The following FOXP2 variants were observed in gnomAD, a reference collection of about 807,000 sequenced individuals.
The protein encoded by FOXP2 is forkhead box P2.
In FOXP2, 12 loss-of-function variants were observed where a neutral mutation model predicts 115.8. The ratio of observed to expected loss-of-function variants is 0.10; its 90% CI spans 0.07 to 0.17. FOXP2 has a LOEUF of 0.17. Ranked by LOEUF, FOXP2 falls within the 10% of genes least tolerant of loss-of-function variation. The probability of loss-of-function intolerance (pLI) is 1.00; values close to 1 mark genes in which losing one functional copy is unlikely to be tolerated. For synonymous variants in FOXP2, 328 were observed against 297.7 expected, an observed-to-expected ratio of 1.10 and a Z score of -1.05; for missense variants, 629 against 843.5, an observed-to-expected ratio of 0.75 and a Z score of 3.15.
chr7:114,260,143 G>A (rs1043083358), intron 1 of FOXP2, among the ~76,000 whole-genome samples: 34 of 151,572 alleles, frequency 2.2e-4, no homozygotes, highest in African/African-American at 6.1e-4. Context: ...CACCTGTGTC[G>A]GCCTCCCAAA....
chr7:114,293,153 G>A (rs552252054), intron 2 of FOXP2, among the ~76,000 whole-genome samples: 1 of 152,192 alleles, frequency 6.6e-6, no homozygotes, highest in East Asian at 1.9e-4. Context: ...ATTTACCAGG[G>A]TTGGCCTATG....
At chr7:114,554,168 G>C (rs1473236339) in intron 3 of FOXP2, among the ~76,000 whole-genome samples, 1 of 151,924 alleles carries the variant, frequency 6.6e-6, no homozygotes, top group Non-Finnish European at 1.5e-5. Flanking sequence ...TTTAGGGTCA[G>C]GAAACATTTA....
chr7:114,429,578 A>G (rs1780312607), intron 2 of FOXP2, among the ~76,000 whole-genome samples: 2 of 151,510 alleles, frequency 1.3e-5, no homozygotes, highest in African/African-American at 4.8e-5. Flanking sequence ...TGCAGAATTA[A>G]TTGTTTGTGT....
intron 4 of FOXP2, 129 bp from the exon 5 acceptor site, chr7:114,629,676 A>AT: frequency 1.2e-6 from 2 of 1,601,846 alleles, no homozygotes; most frequent in Non-Finnish European, 8.5e-7. Context: ...TCCAATGTAT[A>AT]TTTTTTGTTG....
chr7:114,387,930 G>A (rs1280415653), intron 2 of FOXP2, among the ~76,000 whole-genome samples: 1 of 152,106 alleles, frequency 6.6e-6, no homozygotes. Flanking sequence ...ATTGCAATAG[G>A]ATTGCTTCCT....
intron 1 of FOXP2, among the ~76,000 whole-genome samples, chr7:114,223,618 T>A (rs948217389): frequency 1.3e-5 from 2 of 149,126 alleles, no homozygotes; most frequent in Non-Finnish European, 3.0e-5. Flanking sequence ...CGGTTTATGG[T>A]GTATTTTTTC....
chr7:114,240,280 T>C (rs893288646), intron 1 of FOXP2, among the ~76,000 whole-genome samples: 1 of 152,170 alleles, frequency 6.6e-6, no homozygotes, highest in Admixed American at 6.5e-5. Context: ...TTGTTAAAAA[T>C]AACTTTCTCT....
chr7:114,623,142 A>G (rs1180742135), intron 3 of FOXP2, among the ~76,000 whole-genome samples: 1 of 151,922 alleles, frequency 6.6e-6, no homozygotes, highest in Non-Finnish European at 1.5e-5. Flanking sequence ...TTCTGCTTTT[A>G]TCTGTTAAGC....
chr7:114,422,953 A>G (rs1793682418), intron 1 of FOXP2, among the ~76,000 whole-genome samples: 1 of 151,704 alleles, frequency 6.6e-6, no homozygotes, highest in Admixed American at 6.6e-5. Context: ...TGTACAAATA[A>G]AAGACTACAT....
chr7:114,232,981 G>T (rs1033136859), intron 1 of FOXP2, among the ~76,000 whole-genome samples: 1 of 152,154 alleles, frequency 6.6e-6, no homozygotes, highest in African/African-American at 2.4e-5. Flanking sequence ...TCATAAAGCA[G>T]AAAATAGCAT....
chr7:114,484,673 T>C (rs1459548534), intron 2 of FOXP2, among the ~76,000 whole-genome samples: 1 of 151,948 alleles, frequency 6.6e-6, no homozygotes, highest in Non-Finnish European at 1.5e-5. Context: ...AATTTTTGCA[T>C]AAGAAATCAT....
intron 2 of FOXP2, among the ~76,000 whole-genome samples, chr7:114,321,900 T>C (rs899957515): frequency 6.6e-6 from 1 of 152,164 alleles, no homozygotes; most frequent in Non-Finnish European, 1.5e-5. Context: ...AGCTATTAAA[T>C]AGAGAAAGCC....
chr7:114,534,583 A>G (rs758850474), intron 2 of FOXP2, 34 bp from the exon 3 acceptor site: 3 of 1,578,978 alleles, frequency 1.9e-6, no homozygotes, highest in East Asian at 4.5e-5. Flanking sequence ...ACTTTCAACA[A>G]AATATTTAGA....
chr7:114,326,492 A>C (rs1291475996), intron 2 of FOXP2, among the ~76,000 whole-genome samples: 1 of 152,156 alleles, frequency 6.6e-6, no homozygotes, highest in African/African-American at 2.4e-5. Flanking sequence ...GTAAAGCCCT[A>C]AGCTTCATCT....
chr7:114,605,849 G>C (rs1419732821), intron 3 of FOXP2, among the ~76,000 whole-genome samples: 1 of 152,180 alleles, frequency 6.6e-6, no homozygotes, highest in Non-Finnish European at 1.5e-5. Context: ...CTTTAGGATT[G>C]AGAGAGCTTT....
chr7:114,358,833 G>C (rs1791676673), intron 2 of FOXP2, among the ~76,000 whole-genome samples: 1 of 152,088 alleles, frequency 6.6e-6, no homozygotes, highest in Non-Finnish European at 1.5e-5. Flanking sequence ...ACAAGGAGGT[G>C]GTTTGAAATT....
intron 2 of FOXP2, among the ~76,000 whole-genome samples, chr7:114,406,069 C>T (rs1404702073): frequency 1.3e-5 from 2 of 150,750 alleles, no homozygotes; most frequent in African/African-American, 4.9e-5. Flanking sequence ...ACCATTTATT[C>T]ATAGAAAGAA....
chr7:114,165,714 C>T (rs983994296), intron 1 of FOXP2, among the ~76,000 whole-genome samples: 1 of 152,114 alleles, frequency 6.6e-6, no homozygotes, highest in Non-Finnish European at 1.5e-5. Flanking sequence ...GTATATTCAA[C>T]ACAATCCCAG....
intron 3 of FOXP2, chr7:114,538,403 T>C (rs1457954165): frequency 7.8e-7 from 1 of 1,284,930 alleles, no homozygotes; most frequent in Admixed American, 2.3e-5. Flanking sequence ...ATTGCTTTGC[T>C]ATCTTAGATG....
Sources: gnomAD v4.1 joint callset for allele counts (sites outside exome capture counted in the v4.1 genomes callset) on GRCh38, gnomAD v4.1.1 for gene constraint, MANE v1.5 for transcripts, NCBI Gene and HGNC (gene_info 2026-07-23, HGNC 2026-07-21) for gene names.